Variants in EYS observed in about 807,000 individuals in gnomAD.
EYS encodes protein eyes shut homolog.
EYS carries 250 observed loss-of-function variants against 282.1 expected under a neutral mutation model. That is an observed-to-expected ratio of 0.89 (90% CI 0.80 to 0.98). The LOEUF (loss-of-function observed/expected upper bound fraction) is 0.98. Among genes scored for constraint, EYS ranks in the 50% least tolerant of loss-of-function variants. The pLI, the probability that EYS is intolerant of heterozygous loss-of-function variation, is 0.00. For missense variants in EYS, 4,016 were observed against 3,709.0 expected (o/e 1.08, Z -2.15); for synonymous variants, 1,355 against 1,282.9 (o/e 1.06, Z -1.20).
intron 12 of EYS, among the ~76,000 whole-genome samples, chr6:65,284,015 G>A (rs1212820970): frequency 6.6e-6 from 1 of 151,992 alleles, no homozygotes; most frequent in African/African-American, 2.4e-5. Context: ...TGTTATATAC[G>A]TTTTCCATCA....
chr6:64,844,049 T>G (rs187607036), intron 19 of EYS, among the ~76,000 whole-genome samples: 1 of 152,224 alleles, frequency 6.6e-6, no homozygotes, highest in East Asian at 1.9e-4. Context: ...GCTGCTGCCA[T>G]GTAAGAGGTG....
intron 2 of EYS, among the ~76,000 whole-genome samples, chr6:65,639,277 T>C (rs907207429): frequency 5.9e-5 from 9 of 152,100 alleles, no homozygotes; most frequent in Admixed American, 2.0e-4. Flanking sequence ...AGAATAGAAC[T>C]CTATTAAGTC....
intron 7 of EYS, among the ~76,000 whole-genome samples, chr6:65,400,166 G>T (rs1270180146): frequency 1.3e-5 from 2 of 152,080 alleles, no homozygotes; most frequent in Non-Finnish European, 2.9e-5. Context: ...TAATGCTGGA[G>T]AAGAGTGAGA....
In EYS at chr6:64,638,657, A is replaced by G. The variant is rs1345962216; in HGVS notation, c.3444-12412T>C. Among the ~76,000 whole-genome samples, 3 of 90,732 alleles carry G rather than the reference A, an allele frequency of 3.3e-5. 1 individual carries two copies. Among genetic ancestry groups the G allele is most frequent in the East Asian group, 4.9e-4 (2 of 4,074 alleles). The allele number at this position is 90,732 out of a possible 152,430, so 59.5% of individuals were successfully genotyped here. A position where few individuals can be genotyped will look rare whatever the true frequency, so the allele number is the denominator to read the frequency against. The stretch of plus-strand genomic sequence containing the variant: ...GAGACAACAAAATCCTCCCTGACAC[A>G]TCTATCTCATATATACTTTGTAGTG... On this transcript the variant is annotated intron_variant, in intron 22 of 42. Coordinates refer to ENST00000503581, the MANE Select transcript of EYS (RefSeq NM_001142800.2).
At chr6:63,925,493 G>A (rs79864942) in intron 35 of EYS, among the ~76,000 whole-genome samples, 4,684 of 152,182 alleles carry the variant, frequency 0.031, 104 homozygotes, top group Non-Finnish European at 0.047. Context: ...TTACTTTCAC[G>A]TATTTCTGGT....
intron 26 of EYS, among the ~76,000 whole-genome samples, chr6:64,577,196 C>T (rs1032696961): frequency 2.6e-5 from 4 of 152,080 alleles, no homozygotes; most frequent in Non-Finnish European, 5.9e-5. Flanking sequence ...GACAATAAAT[C>T]TCTGCTGTTT....
At chr6:64,496,459 T>C (rs932500492) in intron 26 of EYS, among the ~76,000 whole-genome samples, 4 of 151,984 alleles carry the variant, frequency 2.6e-5, no homozygotes, top group Non-Finnish European at 2.9e-5. Flanking sequence ...TTTTCTTTGC[T>C]TCATTCCACT....
chr6:63,847,236 C>G (rs900778435), intron 36 of EYS, among the ~76,000 whole-genome samples: 2 of 152,054 alleles, frequency 1.3e-5, no homozygotes, highest in Non-Finnish European at 2.9e-5. Flanking sequence ...TTCAGTTAAA[C>G]AAAGGAAGGC....
intron 28 of EYS, among the ~76,000 whole-genome samples, chr6:64,422,721 C>T (rs541860499): frequency 2.6e-5 from 4 of 152,106 alleles, no homozygotes; most frequent in Non-Finnish European, 4.4e-5. Flanking sequence ...GTTCTTAGAA[C>T]GATGGAGTGA....
chr6:64,091,595 G>T (rs144189327), intron 31 of EYS, among the ~76,000 whole-genome samples: 1,665 of 152,212 alleles, frequency 0.011, 25 homozygotes, highest in African/African-American at 0.038. Flanking sequence ...AGGCCTCTAC[G>T]TTGATGGTCC....
intron 22 of EYS, among the ~76,000 whole-genome samples, chr6:64,783,812 A>T (rs1312069226): frequency 2.0e-5 from 3 of 152,174 alleles, no homozygotes; most frequent in African/African-American, 7.2e-5. Flanking sequence ...AACATTCCAA[A>T]GTATTAAATA....
chr6:65,345,807 T>TG (rs1770371406), intron 9 of EYS, among the ~76,000 whole-genome samples: 1 of 149,372 alleles, frequency 6.7e-6, no homozygotes, highest in African/African-American at 2.5e-5. Flanking sequence ...AGTGAGAAGA[T>TG]GAAAAAAAAT....
chr6:65,267,018 T>A (rs1767776103), intron 12 of EYS, among the ~76,000 whole-genome samples: 1 of 144,362 alleles, frequency 6.9e-6, no homozygotes, highest in Non-Finnish European at 1.5e-5. Context: ...AGATCACACA[T>A]GTAAAAAATT....
At chr6:65,513,574 T>C (rs1766988275) in intron 2 of EYS, among the ~76,000 whole-genome samples, 1 of 151,910 alleles carries the variant, frequency 6.6e-6, no homozygotes, top group African/African-American at 2.4e-5. Flanking sequence ...CAGCAGCACA[T>C]CAAAAAGCTT....
chr6:65,407,414 C>T (rs1022465966), intron 5 of EYS, among the ~76,000 whole-genome samples: 3 of 151,910 alleles, frequency 2.0e-5, no homozygotes, highest in Non-Finnish European at 4.4e-5. Flanking sequence ...CATCACCATG[C>T]CCAGATAATT....
At chr6:63,949,688 T>C (rs1404108538) in intron 35 of EYS, among the ~76,000 whole-genome samples, 1 of 152,232 alleles carries the variant, frequency 6.6e-6, no homozygotes, top group African/African-American at 2.4e-5. Flanking sequence ...ATTCTCATTC[T>C]TCTGGGAATT....
intron 12 of EYS, among the ~76,000 whole-genome samples, chr6:65,079,614 C>T (rs1253981202): frequency 2.0e-5 from 3 of 151,958 alleles, no homozygotes; most frequent in South Asian, 2.1e-4. Flanking sequence ...ATTAACTTTA[C>T]TTATTTTTAA....
chr6:64,637,809 C>G lies in EYS; in HGVS notation c.3444-11564G>C, dbSNP rs1768028954. Among the ~76,000 whole-genome samples, 2 of 89,976 alleles carry G rather than the reference C, an allele frequency of 2.2e-5. 1 individual carries two copies. Among genetic ancestry groups the G allele is most frequent in the South Asian group, 9.5e-4 (2 of 2,116 alleles). The allele number at this position is 89,976 out of a possible 152,430, so 59.0% of individuals were successfully genotyped here. A position where few individuals can be genotyped will look rare whatever the true frequency, so the allele number is the denominator to read the frequency against. The stretch of plus-strand genomic sequence containing the variant: ...AGCTGGTGGATGCTGGTCTTAATAC[C>G]TAGGTCATGGGTTGATCTGTGTAGC... On this transcript the variant is annotated intron_variant, in intron 22 of 42. Transcript: ENST00000503581.
Position 63,721,630 on chromosome 6 carries a change from C to G in EYS, c.8401G>C (p.Gly2801Arg), listed in dbSNP as rs1768396215. 1 of 1,551,128 alleles carries G rather than the reference C, an allele frequency of 6.4e-7. No homozygotes were observed. The highest frequency in any genetic ancestry group is 1.4e-5 in the African/African-American group (1 of 73,018). ...GAGGCCTTTTCTGTTACATTTATCC[C>G]ATCTAGATCCAGGTAGCCTTCTGCA... ...VGAEGYLDLDGINVTEKASTK... is the reference protein window; with the variant it reads ...VGAEGYLDLDRINVTEKASTK... Residue 2801 changes from glycine to arginine, a missense_variant, in exon 43 of 43, where the codon GGG becomes CGG. Gly to Arg is a moderately radical substitution (Grantham distance 125, BLOSUM62 -2). Transcript: ENST00000503581.
Sources: gnomAD v4.1 joint callset for allele counts (sites outside exome capture counted in the v4.1 genomes callset) on GRCh38, gnomAD v4.1.1 for gene constraint, MANE v1.5 for transcripts, NCBI Gene and HGNC (gene_info 2026-07-23, HGNC 2026-07-21) for gene names.